Variants in PDIA4 observed in about 807,000 individuals in gnomAD.
PDIA4 encodes the protein protein disulfide isomerase family A member 4.
A neutral mutation model predicts 62.1 loss-of-function variants in PDIA4; 33 were observed. The ratio of observed to expected loss-of-function variants is 0.53; its 90% CI spans 0.40 to 0.71. The LOEUF (loss-of-function observed/expected upper bound fraction) is 0.71. Ranked by LOEUF, PDIA4 falls within the 30% of genes least tolerant of loss-of-function variation. PDIA4 has a pLI of 0.00. For missense variants in PDIA4, 804 were observed against 813.6 expected (o/e 0.99, Z 0.14); for synonymous variants, 341 against 324.1 (o/e 1.05, Z -0.56).
At chr7:149,017,205 C>CTT (rs770541906) in intron 3 of PDIA4, among the ~76,000 whole-genome samples, 87 of 146,202 alleles carry the variant, frequency 6.0e-4, no homozygotes, top group African/African-American at 1.9e-3. Flanking sequence ...GCAGCCGCAT[C>CTT]TTTTTTTTTT....
chr7:149,020,950 T>C lies in PDIA4; in HGVS notation c.269+17A>G. 1 of 1,612,080 alleles carries C rather than the reference T, an allele frequency of 6.2e-7. No individual in the cohort carries two copies. Among genetic ancestry groups the C allele is most frequent in the Non-Finnish European group, 8.5e-7 (1 of 1,178,508 alleles). ...ACAGCGCTTGTCCACCTGCAGAAAT[T>C]AGAACGCGGTCCTTACCATGGAGCA... On this transcript the variant is annotated intron_variant, in intron 2 of 9. Transcript: ENST00000652332.
At chr7:149,013,466 CAG>C (rs1824022631) in intron 4 of PDIA4, among the ~76,000 whole-genome samples, 1 of 152,086 alleles carries the variant, frequency 6.6e-6, no homozygotes, top group Non-Finnish European at 1.5e-5. Flanking sequence ...CGCTTGAGGC[CAG>C]GAGTTCAAGA....
At position 149,027,974 on chromosome 7, in the gene PDIA4, G is replaced by C. The variant is rs1012136498; in HGVS notation, c.88+347C>G. ...GCCTGGGCGCGTTCGCCTGGAGTTA[G>C]CCTGGACCTGACGAAAATCTGTAAA... On this transcript the variant is annotated intron_variant, in intron 1 of 9. Transcript: ENST00000652332. 5.2e-5 allele frequency: 27 copies of C among 521,230 alleles called. No homozygotes were observed. The Admixed American group carries it at 6.2e-4, about 12-fold the overall frequency. 32.3% of individuals were successfully genotyped at this position (521,230 alleles called of 1,614,324 possible).
rs1242628406 is a variant in PDIA4 at position 149,028,472 on chromosome 7, G to A, written c.-64C>T. ...CCGCTGAGCGCACCGAGAACTCGGG[G>A]TCTGGCCGACAGCCCGTCGCTCCTT... On this transcript the variant is annotated 5_prime_UTR_variant, in exon 1 of 10. Coordinates refer to ENST00000652332, the MANE Select transcript of PDIA4 (RefSeq NM_004911.5). 6 of 1,180,938 alleles carry A rather than the reference G, an allele frequency of 5.1e-6. No homozygotes were observed. The Admixed American group carries it at 1.9e-4, about 37-fold the overall frequency. 73.2% of individuals were successfully genotyped at this position (1,180,938 alleles called of 1,614,324 possible). A position where few individuals can be genotyped will look rare whatever the true frequency, so the allele number is the denominator to read the frequency against.
Position 149,004,000 on chromosome 7 carries a change from G to A in PDIA4, c.1732C>T (p.Leu578=), listed in dbSNP as rs1454955098. 6.2e-7 allele frequency: 1 copy of A among 1,614,030 alleles called. No individual in the cohort carries two copies. Among genetic ancestry groups the A allele is most frequent in the South Asian group, 1.1e-5 (1 of 91,070 alleles). ...LAKKYKGQKG[L]VIAKMDATAN... ...GTGGCGTCCATCTTGGCGATGACCA[G>A]GCCCTTTTGGCCCTTGTACTTCTTG... The change falls in exon 10 of 10, where the codon CTG becomes TTG. Residue 578 remains leucine (L), a synonymous_variant. Transcript: ENST00000652332.
rs1303963310 is a variant in PDIA4, at chr7:149,003,469, AAATT to A, written c.*321_*324del. ...ATTTGGAAAAGGAATTTTAAACCTT[AAATT>A]AAAAAAAGAAAACATTTTCACACAG... On this transcript the variant is annotated 3_prime_UTR_variant, in exon 10 of 10. Transcript: ENST00000652332. 1 of 215,266 alleles carries A rather than the reference AAATT, an allele frequency of 4.6e-6. No homozygotes were observed. Among genetic ancestry groups the A allele is most frequent in the Non-Finnish European group, 9.1e-6 (1 of 110,476 alleles). 13.3% of individuals were successfully genotyped at this position (215,266 alleles called of 1,614,324 possible). A position where few individuals can be genotyped will look rare whatever the true frequency, so the allele number is the denominator to read the frequency against.
chr7:149,018,723 T>A (rs981638519), intron 3 of PDIA4, among the ~76,000 whole-genome samples: 2 of 152,036 alleles, frequency 1.3e-5, no homozygotes, highest in East Asian at 3.9e-4. Context: ...TGAGCCACCA[T>A]GTCTGGCCCA....
At chr7:149,009,174 G>A (rs1410122277) in intron 6 of PDIA4, among the ~76,000 whole-genome samples, 6 of 152,072 alleles carry the variant, frequency 3.9e-5, no homozygotes, top group East Asian at 1.9e-4. Context: ...CAAGTGACCC[G>A]CCTGTCTTGG....
At position 149,028,438 on chromosome 7, in the gene PDIA4, CG is replaced by C; in HGVS notation, c.-31del. ...GCGGGGGCGGAGCGCGGCCTCCTAG[CG>C]TCGGCGGCCGCTGAGCGCACCGAGA... On this transcript the variant is annotated 5_prime_UTR_variant, in exon 1 of 10. Transcript: ENST00000652332. 1 of 1,413,018 alleles carries C rather than the reference CG, an allele frequency of 7.1e-7. No individual in the cohort carries two copies. Among genetic ancestry groups the C allele is most frequent in the South Asian group, 1.3e-5 (1 of 74,130 alleles). 87.5% of individuals were successfully genotyped at this position (1,413,018 alleles called of 1,614,324 possible).
At position 149,012,137 on chromosome 7, in the gene PDIA4, A is replaced by C. The variant is rs1054297876; in HGVS notation, c.820+18T>G. Reference sequence around the variant, plus strand: ...TTTCCCTTCCCCACTGTAGTGGGAGAGAAGGGAGTGGCCATACCATATTTT... The same window carrying C: ...TTTCCCTTCCCCACTGTAGTGGGAGCGAAGGGAGTGGCCATACCATATTTT... On this transcript the variant is annotated intron_variant, in intron 5 of 9. Coordinates refer to ENST00000652332, the MANE Select transcript of PDIA4 (RefSeq NM_004911.5). 1.9e-6 allele frequency: 3 copies of C among 1,612,324 alleles called. No homozygotes were observed. The African/African-American group carries it at 4.0e-5, about 22-fold the overall frequency.
In PDIA4 at chr7:149,004,067, G is replaced by A. The variant is rs754089793; in HGVS notation, c.1665C>T (p.Cys555=). 6 of 1,614,206 alleles carry A rather than the reference G, an allele frequency of 3.7e-6. No individual in the cohort carries two copies. Among genetic ancestry groups the A allele is most frequent in the East Asian group, 2.2e-5 (1 of 44,890 alleles). ...CGGGCTCTAGCTGCTTGCAGTGCCC[G>A]CACCATGGCGCGTAGAACTCGATGA... The part of the protein sequence containing the change: ...DVLIEFYAPW[C]GHCKQLEPVY... The change falls in exon 10 of 10, where the codon TGC becomes TGT. Residue 555 remains cysteine, a synonymous_variant. Transcript: ENST00000652332.
intron 6 of PDIA4, among the ~76,000 whole-genome samples, chr7:149,010,727 T>G (rs919718783): frequency 6.6e-6 from 1 of 152,174 alleles, no homozygotes; most frequent in African/African-American, 2.4e-5. Flanking sequence ...CCCTCTCTCA[T>G]AAGCAGGCCC....
intron 4 of PDIA4, among the ~76,000 whole-genome samples, chr7:149,012,799 G>T (rs1458002307): frequency 6.6e-6 from 1 of 152,164 alleles, no homozygotes; most frequent in Non-Finnish European, 1.5e-5. Context: ...AGGAGCCCAC[G>T]GGAGGTGGGG....
Position 149,019,126 on chromosome 7 carries a change from G to A in PDIA4, c.341C>T (p.Pro114Leu), listed in dbSNP as rs185473065. Reference sequence around the variant, plus strand: ...TGCATCGATCTTGGCAACAGGAATGGGAGGATCTTTATCCTTTAATATGTT... The same window carrying A: ...TGCATCGATCTTGGCAACAGGAATGAGAGGATCTTTATCCTTTAATATGTT... ...IANILKDKDPPIPVAKIDATS... is the reference protein window; with the variant it reads ...IANILKDKDPLIPVAKIDATS... Residue 114 changes from proline (P) to leucine (L), a missense_variant, in exon 3 of 10, where the codon CCC (proline) becomes CTC (leucine). Pro to Leu is a moderately conservative substitution (Grantham distance 98, BLOSUM62 -3). Transcript: ENST00000652332. The A allele has an allele frequency of 1.9e-6, 3 of 1,613,770 alleles. No homozygotes were observed. Among genetic ancestry groups the A allele is most frequent in the African/African-American group, 2.7e-5 (2 of 74,966 alleles).
rs761367368 is a variant in PDIA4 at position 149,019,106 on chromosome 7, C to T, written c.361G>A (p.Asp121Asn). 7 of 1,613,570 alleles carry T rather than the reference C, an allele frequency of 4.3e-6. No individual in the cohort carries two copies. Among genetic ancestry groups the T allele is most frequent in the East Asian group, 2.2e-5 (1 of 44,884 alleles). Residue 121 changes from aspartate to asparagine, a missense_variant, in exon 3 of 10, where the codon GAT becomes AAT. Transcript: ENST00000652332. ...GCCAGCACAGACGCTGAGGTTGCAT[C>T]GATCTTGGCAACAGGAATGGGAGGA... ...KDPPIPVAKI[D>N]ATSASVLASR...
At position 149,011,985 on chromosome 7, in the gene PDIA4, G is replaced by A. The variant is rs61739279; in HGVS notation, c.840C>T (p.Ile280=). Residue 280 remains isoleucine (I), a synonymous_variant, in exon 6 of 10, where the codon ATC becomes ATT. Coordinates refer to ENST00000652332, the MANE Select transcript of PDIA4 (RefSeq NM_004911.5). ...CCTTGGAGGGAGGCCCGGACTGCTC[G>A]ATCATGTAATCAACGATTCCTGGGA... is the stretch of plus-strand genomic sequence containing the variant. The part of the protein sequence containing the change: ...REKYGIVDYM[I]EQSGPPSKEI... 1,850 of 1,594,944 alleles carry A rather than the reference G, an allele frequency of 1.2e-3. 14 individuals carry two copies. The African/African-American group carries it at 0.022, about 19-fold the overall frequency.
intron 3 of PDIA4, among the ~76,000 whole-genome samples, chr7:149,016,912 C>A (rs1345593201): frequency 6.6e-6 from 1 of 152,188 alleles, no homozygotes; most frequent in Non-Finnish European, 1.5e-5. Context: ...AAATGTATTA[C>A]CTAGTCAACA....
At chr7:149,005,105 G>T in intron 9 of PDIA4, 36 bp downstream of exon 9, 3 of 1,519,380 alleles carry the variant, frequency 2.0e-6, no homozygotes, top group Non-Finnish European at 2.7e-6. Context: ...GAGCACAGCA[G>T]CTGATGGGAG....
At chr7:149,011,170 T>TAG (rs750519176) in intron 6 of PDIA4, among the ~76,000 whole-genome samples, 3 of 152,144 alleles carry the variant, frequency 2.0e-5, no homozygotes, top group Non-Finnish European at 4.4e-5. Flanking sequence ...GGTTTTGGTG[T>TAG]AGTGGGAGAG....
Sources: gnomAD v4.1 joint callset for allele counts (sites outside exome capture counted in the v4.1 genomes callset) on GRCh38, gnomAD v4.1.1 for gene constraint, MANE v1.5 for transcripts, NCBI Gene and HGNC (gene_info 2026-07-23, HGNC 2026-07-21) for gene names.